The following DLG2 variants were observed in gnomAD, a reference collection of about 807,000 sequenced individuals.
The protein encoded by DLG2 is disks large homolog 2.
DLG2 carries 45 observed loss-of-function variants against 132.5 expected under a neutral mutation model. That is an observed-to-expected ratio of 0.34 (90% CI 0.27 to 0.44). DLG2 has a LOEUF of 0.44. Among genes scored for constraint, DLG2 ranks in the 20% least tolerant of loss-of-function variants. The pLI is 1.00. For synonymous variants in DLG2, 424 were observed against 419.6 expected, an observed-to-expected ratio of 1.01 and a Z score of -0.13; for missense variants, 1,045 against 1,196.9, an observed-to-expected ratio of 0.87 and a Z score of 1.87.
At chr11:84,538,638 A>G (rs1462445780) in intron 6 of DLG2, among the ~76,000 whole-genome samples, 3 of 151,676 alleles carry the variant, frequency 2.0e-5, no homozygotes, top group Admixed American at 6.6e-5. Flanking sequence ...TAAATCATGC[A>G]CACATGAAAT....
intron 6 of DLG2, among the ~76,000 whole-genome samples, chr11:84,972,052 CAG>C (rs965261852): frequency 6.6e-6 from 1 of 152,052 alleles, no homozygotes; most frequent in African/African-American, 2.4e-5. Flanking sequence ...ACTTATGACT[CAG>C]AGGGGGGGAA....
rs1016749247 is a variant in DLG2 at position 84,836,337 on chromosome 11, A to G, written c.357+275324T>C. ...GAAAAATAATATTTTTTGAGTGCCA[A>G]TGTACCCGTCACTTACTTCATTTAA... On this transcript the variant is annotated intron_variant, in intron 6 of 27. Transcript: ENST00000376104. Among the ~76,000 whole-genome samples, 74 of 151,700 alleles carry G rather than the reference A, an allele frequency of 4.9e-4. 1 individual carries two copies. Among genetic ancestry groups the G allele is most frequent in the African/African-American group, 1.8e-3 (73 of 41,374 alleles).
chr11:84,389,147 C>T (rs1415454679), intron 7 of DLG2, among the ~76,000 whole-genome samples: 1 of 152,136 alleles, frequency 6.6e-6, no homozygotes, highest in Non-Finnish European at 1.5e-5. Flanking sequence ...AACTCGCTAA[C>T]ATTTCTGAGG....
intron 10 of DLG2, among the ~76,000 whole-genome samples, chr11:84,088,786 G>A (rs1459528737): frequency 6.6e-6 from 1 of 152,136 alleles, no homozygotes; most frequent in Admixed American, 6.5e-5. Flanking sequence ...CCTTAAGAAT[G>A]AGTCCATTGA....
intron 6 of DLG2, among the ~76,000 whole-genome samples, chr11:84,787,874 G>C (rs2073173373): frequency 6.6e-6 from 1 of 151,454 alleles, no homozygotes; most frequent in South Asian, 2.1e-4. Flanking sequence ...CGAGACAGGT[G>C]GATCACTTGA....
chr11:84,824,842 T>C (rs1044777848), intron 6 of DLG2, among the ~76,000 whole-genome samples: 1 of 151,802 alleles, frequency 6.6e-6, no homozygotes, highest in African/African-American at 2.4e-5. Context: ...TGTGGCAACA[T>C]ACCAGGGCTC....
At chr11:85,594,594 TA>T (rs1198285783) in intron 3 of DLG2, among the ~76,000 whole-genome samples, 1 of 152,190 alleles carries the variant, frequency 6.6e-6, no homozygotes, top group African/African-American at 2.4e-5. Flanking sequence ...CCATACTTTA[TA>T]AGTAATGACT....
Position 85,572,260 on chromosome 11 carries a change from G to A in DLG2, c.40+26397C>T, listed in dbSNP as rs966449941. 6.6e-5 allele frequency among the ~76,000 whole-genome samples: 10 copies of A among 152,162 alleles called. No individual in the cohort carries two copies. In the South Asian group the frequency reaches 1.2e-3, roughly 19 times the overall value. ...TATTTAGGGTTCACTGAGCTTCTGCGATCTAGAGATTTATAGTTTTCATCA... is the reference window on the plus strand; with the variant it reads ...TATTTAGGGTTCACTGAGCTTCTGCAATCTAGAGATTTATAGTTTTCATCA... On this transcript the variant is annotated intron_variant, in intron 3 of 27. Coordinates refer to ENST00000376104, the MANE Select transcript of DLG2 (RefSeq NM_001142699.3).
At chr11:84,959,216 G>T (rs1297585904) in intron 6 of DLG2, among the ~76,000 whole-genome samples, 1 of 152,084 alleles carries the variant, frequency 6.6e-6, no homozygotes, top group Non-Finnish European at 1.5e-5. Context: ...GGCTTCACAC[G>T]GAATCTTAAT....
At chr11:84,932,175 T>C (rs371605502) in intron 6 of DLG2, among the ~76,000 whole-genome samples, 13 of 152,292 alleles carry the variant, frequency 8.5e-5, no homozygotes, top group African/African-American at 3.1e-4. Context: ...TTGGCATCTT[T>C]ATAATGAAAT....
At chr11:83,868,251 C>T (rs2062773767) in intron 16 of DLG2, among the ~76,000 whole-genome samples, 1 of 152,150 alleles carries the variant, frequency 6.6e-6, no homozygotes, top group South Asian at 2.1e-4. Context: ...AGCAGGTGAC[C>T]TGGCAGCATT....
chr11:83,935,982 G>T (rs370956069), intron 14 of DLG2, among the ~76,000 whole-genome samples: 1 of 152,124 alleles, frequency 6.6e-6, no homozygotes, highest in Non-Finnish European at 1.5e-5. Flanking sequence ...AGTTCAGTCC[G>T]TGGCACTTAC....
At chr11:84,952,228 A>T (rs2051020380) in intron 6 of DLG2, among the ~76,000 whole-genome samples, 2 of 152,216 alleles carry the variant, frequency 1.3e-5, no homozygotes, top group African/African-American at 2.4e-5. Context: ...CATTAGCATG[A>T]CCTTTTTCTC....
chr11:85,418,092 C>A (rs1182242061), intron 3 of DLG2, among the ~76,000 whole-genome samples: 1 of 151,958 alleles, frequency 6.6e-6, no homozygotes, highest in Non-Finnish European at 1.5e-5. Context: ...TAAATTTCCC[C>A]CTAAATACTG....
rs1215250856 is a variant in DLG2, at chr11:83,459,623, G to GTCTTT, written c.*190_*194dup. On this transcript the variant is annotated 3_prime_UTR_variant, in exon 28 of 28. Coordinates refer to ENST00000376104, the MANE Select transcript of DLG2 (RefSeq NM_001142699.3). ...CCAAAGCCTTCCTTCATACTGCAAT[G>GTCTTT]TCTTTTCTGTCCCACCCTTTGGCCC... is the stretch of plus-strand genomic sequence containing the variant. 2.0e-5 allele frequency: 10 copies of GTCTTT among 495,386 alleles called. No homozygotes were observed. The highest frequency in any genetic ancestry group is 3.6e-5 in the Non-Finnish European group (10 of 275,738). The allele number at this position is 495,386 out of a possible 1,614,324, so 30.7% of individuals were successfully genotyped here.
rs147061661 is a variant in DLG2, at chr11:84,383,488, C to A, written c.520-132197G>T. On this transcript the variant is annotated intron_variant, in intron 7 of 27. Coordinates refer to ENST00000376104, the MANE Select transcript of DLG2 (RefSeq NM_001142699.3). Reference sequence around the variant, plus strand: ...TTAAATGGCAAAAAAGATGGGATATCATGCCCATGATTACCTTACATTATA... The same window carrying A: ...TTAAATGGCAAAAAAGATGGGATATAATGCCCATGATTACCTTACATTATA... 3.1e-4 allele frequency among the ~76,000 whole-genome samples: 47 copies of A among 152,192 alleles called. No homozygotes were observed. In the East Asian group the frequency reaches 7.2e-3, roughly 23 times the overall value.
chr11:84,259,262 C>T (rs1251019495), intron 7 of DLG2, among the ~76,000 whole-genome samples: 2 of 109,840 alleles, frequency 1.8e-5, no homozygotes, highest in African/African-American at 3.9e-5. Context: ...GACTGTGTCT[C>T]GAAAAAAAAA....
At chr11:85,180,966 C>T (rs2079650603) in intron 4 of DLG2, among the ~76,000 whole-genome samples, 1 of 151,694 alleles carries the variant, frequency 6.6e-6, no homozygotes, top group East Asian at 1.9e-4. Flanking sequence ...CATTCTGTTT[C>T]TGAATTATAA....
intron 6 of DLG2, among the ~76,000 whole-genome samples, chr11:85,111,247 G>T (rs1430429222): frequency 6.6e-6 from 1 of 152,132 alleles, no homozygotes; most frequent in African/African-American, 2.4e-5. Flanking sequence ...ACACCAGGAA[G>T]ACTTGAAAAT....
Sources: gnomAD v4.1 joint callset for allele counts (sites outside exome capture counted in the v4.1 genomes callset) on GRCh38, gnomAD v4.1.1 for gene constraint, MANE v1.5 for transcripts, NCBI Gene and HGNC (gene_info 2026-07-23, HGNC 2026-07-21) for gene names.